The following PCLO variants were observed in gnomAD, a reference collection of about 807,000 sequenced individuals.
PCLO encodes piccolo presynaptic cytomatrix protein, also known as protein piccolo.
A neutral mutation model predicts 427.5 loss-of-function variants in PCLO; 82 were observed. The ratio of observed to expected loss-of-function variants is 0.19; its 90% CI spans 0.16 to 0.23. PCLO has a LOEUF of 0.23. Among genes scored for constraint, PCLO ranks in the 10% least tolerant of loss-of-function variants. PCLO has a pLI of 1.00. For missense variants in PCLO, 6,239 were observed against 6,115.9 expected, an observed-to-expected ratio of 1.02 and a Z score of -0.67; for synonymous variants, 2,357 against 2,155.4, an observed-to-expected ratio of 1.09 and a Z score of -2.59.
chr7:82,893,145 T>C (rs1793812796), intron 9 of PCLO, among the ~76,000 whole-genome samples: 1 of 152,084 alleles, frequency 6.6e-6, no homozygotes, highest in Non-Finnish European at 1.5e-5. Context: ...GCGGCACTAT[T>C]CACAATAGCA....
At chr7:83,159,271 G>A (rs952536700) in intron 1 of PCLO, among the ~76,000 whole-genome samples, 1 of 151,972 alleles carries the variant, frequency 6.6e-6, no homozygotes, top group African/African-American at 2.4e-5. Flanking sequence ...TTTAGAACCT[G>A]GATTTGGCCT....
intron 10 of PCLO, among the ~76,000 whole-genome samples, chr7:82,862,146 C>T (rs1206595911): frequency 1.3e-5 from 2 of 151,636 alleles, no homozygotes; most frequent in African/African-American, 4.8e-5. Context: ...GATAAAAATA[C>T]AAAAGCTCAA....
At chr7:82,881,619 A>G (rs1276039034) in intron 9 of PCLO, among the ~76,000 whole-genome samples, 1 of 152,072 alleles carries the variant, frequency 6.6e-6, no homozygotes, top group Admixed American at 6.6e-5. Context: ...ATTTTCAACA[A>G]TTACTGTTCC....
intron 3 of PCLO, among the ~76,000 whole-genome samples, chr7:83,083,820 T>C (rs530550692): frequency 6.6e-6 from 1 of 152,222 alleles, no homozygotes; most frequent in African/African-American, 2.4e-5. Context: ...ATTCTTGAAA[T>C]TCCTCCAGTG....
In PCLO at chr7:82,830,472, A is replaced by G. The variant is rs557934722; in HGVS notation, c.14250-2506T>C. ...AATAACTTTAATTTGATAGTGACATAGAAAGAATTAGTGACGACTTTTAAG... is the reference window on the plus strand; with the variant it reads ...AATAACTTTAATTTGATAGTGACATGGAAAGAATTAGTGACGACTTTTAAG... On this transcript the variant is annotated intron_variant, in intron 16 of 24. Transcript: ENST00000333891. Among the ~76,000 whole-genome samples the G allele has an allele frequency of 6.7e-4, 102 of 152,150 alleles. 1 individual carries two copies. In the South Asian group the frequency reaches 0.011, roughly 16 times the overall value.
At chr7:83,057,954 C>A (rs1028266549) in intron 3 of PCLO, among the ~76,000 whole-genome samples, 2 of 152,010 alleles carry the variant, frequency 1.3e-5, no homozygotes, top group Non-Finnish European at 2.9e-5. Context: ...ACTGCAATAG[C>A]CAAACAGGAT....
chr7:83,045,936 A>G (rs999824302), intron 3 of PCLO, among the ~76,000 whole-genome samples: 6 of 151,986 alleles, frequency 3.9e-5, no homozygotes, highest in Admixed American at 3.3e-4. Context: ...TTAACAACTG[A>G]AATTTATTTT....
At chr7:82,821,777 A>G in intron 20 of PCLO, 1 of 982,622 alleles carries the variant, frequency 1.0e-6, no homozygotes, top group Non-Finnish European at 1.2e-6. Context: ...GAATGGACCC[A>G]ATTGTGCTCC....
At chr7:82,886,474 T>C (rs899429408) in intron 9 of PCLO, among the ~76,000 whole-genome samples, 5 of 152,106 alleles carry the variant, frequency 3.3e-5, no homozygotes, top group African/African-American at 9.7e-5. Context: ...ATAATTATTA[T>C]ACTAACCACT....
rs138864736 is a variant in PCLO at position 82,951,602 on chromosome 7, C to G, written c.9098-112G>C. The G allele has an allele frequency of 2.7e-4, 232 of 864,802 alleles. No individual in the cohort carries two copies. The African/African-American group carries it at 3.7e-3, about 14-fold the overall frequency. 53.6% of individuals were successfully genotyped at this position (864,802 alleles called of 1,614,324 possible). A position where few individuals can be genotyped will look rare whatever the true frequency, so the allele number is the denominator to read the frequency against. The stretch of plus-strand genomic sequence containing the variant: ...ATGAATGAGACTGCATGCAAATCCA[C>G]AGGGTAACCTAATTATATGCGGAAT... On this transcript the variant is annotated intron_variant, in intron 5 of 24. Transcript: ENST00000333891.
chr7:83,121,522 TTTATAAA>T (rs1358964808), intron 3 of PCLO, among the ~76,000 whole-genome samples: 3 of 152,058 alleles, frequency 2.0e-5, no homozygotes, highest in Admixed American at 1.3e-4. Context: ...TAAATCCTTA[TTTATAAA>T]TTATAACACT....
At chr7:83,148,825 G>A (rs1220790497) in intron 2 of PCLO, among the ~76,000 whole-genome samples, 3 of 152,052 alleles carry the variant, frequency 2.0e-5, no homozygotes, top group Non-Finnish European at 4.4e-5. Context: ...CCACTCATAG[G>A]TAATCAACAG....
intron 3 of PCLO, among the ~76,000 whole-genome samples, chr7:83,130,964 T>TA (rs1348925454): frequency 6.6e-6 from 1 of 152,218 alleles, no homozygotes; most frequent in Non-Finnish European, 1.5e-5. Flanking sequence ...GTAAAAAAGT[T>TA]AGCTTAGAAA....
At chr7:83,103,459 C>T (rs1369082908) in intron 3 of PCLO, among the ~76,000 whole-genome samples, 1 of 151,864 alleles carries the variant, frequency 6.6e-6, no homozygotes, top group Non-Finnish European at 1.5e-5. Flanking sequence ...TAGCAAGCAG[C>T]CAACCTCATT....
In PCLO at chr7:82,794,472, T is replaced by G. The variant is rs1444519332; in HGVS notation, c.15007+7046A>C. On this transcript the variant is annotated intron_variant, in intron 22 of 24. Coordinates refer to ENST00000333891, the MANE Select transcript of PCLO (RefSeq NM_033026.6). ...TAAATTTTTTTTCTTTTTTTTTTTT[T>G]TTTTTTTTTTTTTTTTTGAGACACA... 1.7e-4 allele frequency among the ~76,000 whole-genome samples: 17 copies of G among 99,252 alleles called. 1 individual carries two copies. Among genetic ancestry groups the G allele is most frequent in the African/African-American group, 4.8e-4 (11 of 23,064 alleles). The allele number at this position is 99,252 out of a possible 152,430, so 65.1% of individuals were successfully genotyped here.
chr7:82,848,912 C>T (rs1378852314), intron 10 of PCLO: 1 of 418,224 alleles, frequency 2.4e-6, no homozygotes, highest in Non-Finnish European at 4.9e-6. Context: ...TTTATTTCAA[C>T]AATCCCAGGC....
intron 23 of PCLO, among the ~76,000 whole-genome samples, 159 bp from the exon 24 acceptor site, chr7:82,760,943 CTTTTTTTTTTTTTTTTT>C (rs767222339): frequency 2.2e-4 from 13 of 60,370 alleles, no homozygotes; most frequent in Non-Finnish European, 3.6e-4. Context: ...AAAGATATGT[CTTTTTTTTTTTTTTTTT>C]TTTTTTTTTT....
intron 3 of PCLO, among the ~76,000 whole-genome samples, chr7:83,043,635 C>A (rs1376907377): frequency 1.3e-5 from 2 of 152,112 alleles, no homozygotes; most frequent in African/African-American, 4.8e-5. Context: ...CTTTCATGCA[C>A]CATTTGAATT....
intron 9 of PCLO, among the ~76,000 whole-genome samples, chr7:82,888,391 T>A (rs749415595): frequency 2.2e-4 from 33 of 152,298 alleles, no homozygotes; most frequent in Middle Eastern, 6.8e-3. Flanking sequence ...TGGAGAAATG[T>A]TAAGTGACTC....
Sources: gnomAD v4.1 joint callset for allele counts (sites outside exome capture counted in the v4.1 genomes callset) on GRCh38, gnomAD v4.1.1 for gene constraint, MANE v1.5 for transcripts, NCBI Gene and HGNC (gene_info 2026-07-23, HGNC 2026-07-21) for gene names.